The following ASCC2 variants were observed in gnomAD, a reference collection of about 807,000 sequenced individuals.
ASCC2 encodes the protein activating signal cointegrator 1 complex subunit 2.
In ASCC2, 42 loss-of-function variants were observed where a neutral mutation model predicts 93.5. That is an observed-to-expected ratio of 0.45 (90% CI 0.35 to 0.58). The LOEUF is 0.58. Ranked by LOEUF, ASCC2 falls within the 20% of genes least tolerant of loss-of-function variation. The pLI is 0.00. For synonymous variants in ASCC2, 364 were observed against 384.2 expected (o/e 0.95, Z 0.62); for missense variants, 859 against 977.6 (o/e 0.88, Z 1.62).
intron 17 of ASCC2, among the ~76,000 whole-genome samples, chr22:29,792,991 A>G (rs2086074317): frequency 6.6e-6 from 1 of 152,054 alleles, no homozygotes; most frequent in African/African-American, 2.4e-5. Context: ...ACAAAAAATA[A>G]AAAAGTTAGC....
chr22:29,829,251 A>G (rs985416857), intron 2 of ASCC2, among the ~76,000 whole-genome samples: 8 of 152,206 alleles, frequency 5.3e-5, no homozygotes, highest in African/African-American at 1.9e-4. Flanking sequence ...TTGTCCTTCA[A>G]CAATGCCTGA....
chr22:29,810,012 A>C (rs1410560820), intron 8 of ASCC2: 1 of 152,080 alleles, frequency 6.6e-6, no homozygotes, highest in African/African-American at 2.4e-5. Context: ...ACTCAAATTC[A>C]AACTCTCCAT....
intron 1 of ASCC2, chr22:29,833,447 G>A (rs1343205556): frequency 2.7e-6 from 1 of 371,980 alleles, no homozygotes; most frequent in African/African-American, 2.2e-5. Context: ...TGGAAGAAGG[G>A]AAGAAGGACG....
At chr22:29,814,497 G>T (rs2098688606) in intron 7 of ASCC2, among the ~76,000 whole-genome samples, 160 bp downstream of exon 7, 1 of 152,270 alleles carries the variant, frequency 6.6e-6, no homozygotes. Context: ...AAACCTGTGT[G>T]ATGGGACATA....
At chr22:29,827,097 C>CAAA (rs58520896) in intron 2 of ASCC2, among the ~76,000 whole-genome samples, 580 of 57,140 alleles carry the variant, frequency 0.01, 18 homozygotes, top group African/African-American at 0.031. Context: ...GACTCCATCT[C>CAAA]AAAAAAAAAA....
intron 8 of ASCC2, among the ~76,000 whole-genome samples, chr22:29,810,735 AT>A (rs767387998): frequency 0.014 from 2,002 of 144,624 alleles, 29 homozygotes; most frequent in African/African-American, 0.04. Flanking sequence ...ATTCTTTGTA[AT>A]TTTTTTTTTT....
rs370613207 is a variant in ASCC2, at chr22:29,828,261, C to T, written c.82-2481G>A. Among the ~76,000 whole-genome samples the T allele has an allele frequency of 3.9e-5, 6 of 152,094 alleles. No homozygotes were observed. The South Asian group carries it at 6.2e-4, about 16-fold the overall frequency. On this transcript the variant is annotated intron_variant, in intron 2 of 19. Coordinates refer to ENST00000307790, the MANE Select transcript of ASCC2 (RefSeq NM_032204.5). ...ACAAAAGGGCACAGATTGCACTGGG[C>T]GGTGGGAGACAGATTTGGTGAATGC...
At chr22:29,822,668 C>T (rs1391662860) in intron 4 of ASCC2, among the ~76,000 whole-genome samples, 3 of 138,854 alleles carry the variant, frequency 2.2e-5, no homozygotes, top group Non-Finnish European at 4.6e-5. Context: ...TTTTGTGTCT[C>T]TAGACTAAAC....
intron 5 of ASCC2, among the ~76,000 whole-genome samples, chr22:29,819,072 G>A (rs6006265): frequency 2.2e-4 from 33 of 152,204 alleles, no homozygotes; most frequent in African/African-American, 6.7e-4. Flanking sequence ...GAGGCTCCGC[G>A]GTCTCATCAC....
At chr22:29,826,528 C>T (rs1373822889) in intron 2 of ASCC2, among the ~76,000 whole-genome samples, 1 of 152,082 alleles carries the variant, frequency 6.6e-6, no homozygotes, top group Non-Finnish European at 1.5e-5. Flanking sequence ...CCCAGGTGGT[C>T]TCAAACTCCT....
At chr22:29,804,325 TAG>T (rs559290479) in intron 13 of ASCC2, among the ~76,000 whole-genome samples, 248 of 152,318 alleles carry the variant, frequency 1.6e-3, no homozygotes, top group African/African-American at 5.5e-3. Context: ...TTTATCTATT[TAG>T]AGGAGAGCTC....
In ASCC2 at chr22:29,802,006, C is replaced by T. The variant is rs147103884; in HGVS notation, c.1556G>A (p.Arg519His). 1.3e-5 allele frequency: 20 copies of T among 1,594,534 alleles called. No individual in the cohort carries two copies. The Admixed American group carries it at 1.8e-4, about 14-fold the overall frequency. The stretch of plus-strand genomic sequence containing the variant: ...CTGTCTCTCCCACCTGTCTAGGTTG[C>T]GGTCCAGCTGGCTGAGGGTGGGGGC... ...RLAPTLSQLDRNLDREMKPDP... is the reference protein window; with the variant it reads ...RLAPTLSQLDHNLDREMKPDP... Residue 519 changes from arginine to histidine, a missense_variant, in exon 14 of 20, where the codon CGC (arginine) becomes CAC (histidine). Arg to His is a conservative substitution (Grantham distance 29). Coordinates refer to ENST00000307790, the MANE Select transcript of ASCC2 (RefSeq NM_032204.5).
intron 5 of ASCC2, among the ~76,000 whole-genome samples, chr22:29,819,699 T>C: frequency 6.6e-6 from 1 of 152,152 alleles, no homozygotes; most frequent in Non-Finnish European, 1.5e-5. Context: ...CTTCCCAATC[T>C]GGCTCCAAGG....
In ASCC2 at chr22:29,789,148, G is replaced by A. The variant is rs749582866; in HGVS notation, c.2139C>T (p.Ser713=). Residue 713 remains serine, a synonymous_variant, in exon 20 of 20, where the codon AGC becomes AGT. Coordinates refer to ENST00000307790, the MANE Select transcript of ASCC2 (RefSeq NM_032204.5). ...CGCGGCTCTGCCCATGGCCTCGGGG[G>A]CTGCCGGCCACTGCTGTTGAGCTGT... The part of the protein sequence containing the change: ...RHDSSTAVAG[S]PRGHGQSRET... 17 of 1,614,054 alleles carry A rather than the reference G, an allele frequency of 1.1e-5. No individual in the cohort carries two copies. In the Admixed American group the frequency reaches 2.8e-4, roughly 27 times the overall value.
In ASCC2 at chr22:29,792,527, G is replaced by A. The variant is rs529000348; in HGVS notation, c.1928C>T (p.Thr643Ile). Residue 643 changes from threonine (T) to isoleucine (I), a missense_variant, in exon 18 of 20, where the codon ACC becomes ATC. Physicochemically the swap from Thr to Ile is moderately conservative, Grantham distance 89 (BLOSUM62 -1). Transcript: ENST00000307790. ...TTTGGTTCTCAGCACCTGAGGGATGGTGAATGGCCTGAGGGTGTGGAGAGA... is the reference window on the plus strand; with the variant it reads ...TTTGGTTCTCAGCACCTGAGGGATGATGAATGGCCTGAGGGTGTGGAGAGA... ...DDELISRRPF[T>I]IPQVLRTKVP... 6.2e-7 allele frequency: 1 copy of A among 1,614,032 alleles called. No homozygotes were observed. The highest frequency in any genetic ancestry group is 1.1e-5 in the South Asian group (1 of 91,084).
At chr22:29,818,123 G>A (rs931364370) in intron 5 of ASCC2, among the ~76,000 whole-genome samples, 85 of 149,614 alleles carry the variant, frequency 5.7e-4, no homozygotes, top group African/African-American at 2.0e-3. Context: ...AAAAAAGCAA[G>A]GTAAGGAACT....
At chr22:29,835,160 G>A (rs61413958) in intron 1 of ASCC2, among the ~76,000 whole-genome samples, 2,566 of 152,338 alleles carry the variant, frequency 0.017, 41 homozygotes, top group East Asian at 0.065. Context: ...CACTTGGGAA[G>A]CCAAGGCAGG....
intron 5 of ASCC2, among the ~76,000 whole-genome samples, chr22:29,819,821 C>T (rs1244423139): frequency 6.6e-6 from 1 of 152,170 alleles, no homozygotes; most frequent in Non-Finnish European, 1.5e-5. Flanking sequence ...TGCTCACTTG[C>T]TCCATCCTCT....
chr22:29,824,996 T>C (rs1414679781), intron 4 of ASCC2, 91 bp downstream of exon 4: 15 of 1,186,618 alleles, frequency 1.3e-5, no homozygotes, highest in South Asian at 5.4e-5. Flanking sequence ...GGAAACTCAA[T>C]GCTTCCAGAG....
Sources: allele counts gnomAD v4.1 joint callset (sites outside exome capture counted in the v4.1 genomes callset), GRCh38; gene constraint gnomAD v4.1.1; transcripts MANE v1.5; gene names NCBI Gene and HGNC (gene_info 2026-07-23, HGNC 2026-07-21).